SSBP3: variants seen among roughly 807,000 people sequenced by gnomAD.
SSBP3 encodes the protein single stranded DNA binding protein 3.
A neutral mutation model predicts 69.6 loss-of-function variants in SSBP3; 5 were observed. The ratio of observed to expected loss-of-function variants is 0.07; its 90% CI spans 0.04 to 0.15. The LOEUF is 0.15. Ranked by LOEUF, SSBP3 falls within the 10% of genes least tolerant of loss-of-function variation. SSBP3 has a pLI of 1.00. For missense variants in SSBP3, 312 were observed against 534.0 expected, an observed-to-expected ratio of 0.58 and a Z score of 4.10; for synonymous variants, 196 against 193.4, an observed-to-expected ratio of 1.01 and a Z score of -0.11.
intron 4 of SSBP3, among the ~76,000 whole-genome samples, chr1:54,348,581 G>C (rs1350100367): frequency 1.3e-5 from 2 of 152,168 alleles, no homozygotes; most frequent in Non-Finnish European, 2.9e-5. Flanking sequence ...ATTTGTTTTG[G>C]ATTTCCAATA....
intron 4 of SSBP3, among the ~76,000 whole-genome samples, chr1:54,390,685 G>A (rs534427808): frequency 2.6e-5 from 4 of 152,224 alleles, no homozygotes; most frequent in Admixed American, 6.5e-5. Context: ...GAGATAACGT[G>A]GTGGCTGAAA....
rs138807150 is a variant in SSBP3, at chr1:54,319,066, C to T, written c.277-37539G>A. Among the ~76,000 whole-genome samples, 678 of 152,244 alleles carry T rather than the reference C, an allele frequency of 4.5e-3. 1 individual carries two copies. Among genetic ancestry groups the T allele is most frequent in the Middle Eastern group, 0.02 (6 of 294 alleles). On this transcript the variant is annotated intron_variant, in intron 4 of 17. Transcript: ENST00000610401. ...ACACCACACCAGCTGCAGCAGACCACGCTCAATGGAGTAGAAGGGCAAAGA... is the reference window on the plus strand; with the variant it reads ...ACACCACACCAGCTGCAGCAGACCATGCTCAATGGAGTAGAAGGGCAAAGA...
intron 4 of SSBP3, among the ~76,000 whole-genome samples, chr1:54,358,947 C>T (rs1646910728): frequency 6.6e-6 from 1 of 152,172 alleles, no homozygotes; most frequent in South Asian, 2.1e-4. Flanking sequence ...CCGCCAGCTC[C>T]TGACTCAAGA....
chr1:54,234,751 A>G (rs2100590933), intron 14 of SSBP3, among the ~76,000 whole-genome samples: 1 of 151,544 alleles, frequency 6.6e-6, no homozygotes, highest in East Asian at 1.9e-4. Context: ...AGCCTTTAGG[A>G]CATCCTTTTT....
chr1:54,394,231 G>A (rs1392172662), intron 4 of SSBP3, among the ~76,000 whole-genome samples: 2 of 152,172 alleles, frequency 1.3e-5, no homozygotes, highest in South Asian at 2.1e-4. Flanking sequence ...ACTTCACGCA[G>A]GGCACCTTTC....
intron 4 of SSBP3, among the ~76,000 whole-genome samples, chr1:54,311,501 C>A (rs372600762): frequency 1.2e-4 from 18 of 152,156 alleles, no homozygotes; most frequent in East Asian, 3.9e-4. Context: ...GGTAAAAGAG[C>A]TTGAAAAACT....
intron 4 of SSBP3, among the ~76,000 whole-genome samples, chr1:54,314,789 C>T (rs1646066407): frequency 6.6e-6 from 1 of 152,168 alleles, no homozygotes; most frequent in African/African-American, 2.4e-5. Flanking sequence ...GGCAGTGTCC[C>T]AGCAAAGGAG....
chr1:54,368,024 G>A (rs902515574), intron 4 of SSBP3, among the ~76,000 whole-genome samples: 6 of 152,048 alleles, frequency 3.9e-5, no homozygotes, highest in African/African-American at 1.4e-4. Context: ...AACCTAGGCC[G>A]GGCACAGTGG....
At chr1:54,250,912 G>A (rs747193032) in intron 9 of SSBP3, among the ~76,000 whole-genome samples, 12 of 152,160 alleles carry the variant, frequency 7.9e-5, no homozygotes, top group Non-Finnish European at 1.6e-4. Context: ...AGCTGGCCAC[G>A]AGGGGCAACG....
At chr1:54,342,252 T>C (rs745392334) in intron 4 of SSBP3, among the ~76,000 whole-genome samples, 30 of 152,272 alleles carry the variant, frequency 2.0e-4, no homozygotes, top group Admixed American at 3.9e-4. Flanking sequence ...CCAAAGGGTT[T>C]GCTCCACTCC....
At chr1:54,358,166 G>A (rs192255106) in intron 4 of SSBP3, among the ~76,000 whole-genome samples, 1 of 152,156 alleles carries the variant, frequency 6.6e-6, no homozygotes, top group Non-Finnish European at 1.5e-5. Flanking sequence ...TCTTCATTGG[G>A]CACTTAACTA....
At chr1:54,264,809 T>C (rs1645073715) in intron 5 of SSBP3, among the ~76,000 whole-genome samples, 1 of 152,132 alleles carries the variant, frequency 6.6e-6, no homozygotes, top group Non-Finnish European at 1.5e-5. Flanking sequence ...AGGTTTTAGG[T>C]TGTTAAGAGA....
chr1:54,402,575 TC>T (rs1162384268), intron 3 of SSBP3, among the ~76,000 whole-genome samples: 2 of 136,986 alleles, frequency 1.5e-5, no homozygotes, highest in African/African-American at 2.7e-5. Flanking sequence ...GAACCACTCC[TC>T]CCTCCATGCA....
At chr1:54,290,491 T>C (rs1437177419) in intron 4 of SSBP3, among the ~76,000 whole-genome samples, 1 of 152,232 alleles carries the variant, frequency 6.6e-6, no homozygotes, top group Non-Finnish European at 1.5e-5. Flanking sequence ...AGACTTGGTC[T>C]TCTGAGAAGG....
intron 9 of SSBP3, among the ~76,000 whole-genome samples, chr1:54,244,257 C>T (rs1001719415): frequency 2.6e-5 from 4 of 152,160 alleles, no homozygotes; most frequent in Non-Finnish European, 2.9e-5. Flanking sequence ...GCGCCCACGA[C>T]CATGTCGGGC....
At chr1:54,316,252 A>C (rs945374762) in intron 4 of SSBP3, among the ~76,000 whole-genome samples, 4 of 152,014 alleles carry the variant, frequency 2.6e-5, no homozygotes, top group African/African-American at 9.7e-5. Flanking sequence ...CTGAGGGAGG[A>C]GGATGGTATG....
At position 54,288,054 on chromosome 1, in the gene SSBP3, C is replaced by G. The variant is rs143575707; in HGVS notation, c.277-6527G>C. Reference sequence around the variant, plus strand: ...CACCAATGGACGGCCCTGGGTCCAACAGTAGATGCCCCAAGCTACAAAAAG... The same window carrying G: ...CACCAATGGACGGCCCTGGGTCCAAGAGTAGATGCCCCAAGCTACAAAAAG... On this transcript the variant is annotated intron_variant, in intron 4 of 17. Transcript: ENST00000610401. Among the ~76,000 whole-genome samples the G allele has an allele frequency of 2.0e-5, 3 of 152,320 alleles. No individual in the cohort carries two copies. In the East Asian group the frequency reaches 5.8e-4, roughly 29 times the overall value.
chr1:54,304,632 A>G (rs962567666), intron 4 of SSBP3, among the ~76,000 whole-genome samples: 1 of 152,122 alleles, frequency 6.6e-6, no homozygotes, highest in Non-Finnish European at 1.5e-5. Flanking sequence ...CAGGTGGTAA[A>G]AGGACAGCCA....
chr1:54,323,149 T>C (rs1646243599), intron 4 of SSBP3, among the ~76,000 whole-genome samples: 1 of 152,016 alleles, frequency 6.6e-6, no homozygotes, highest in Non-Finnish European at 1.5e-5. Flanking sequence ...ACAGAACCAA[T>C]GGACAGCCCT....
Sources: gnomAD v4.1 joint callset for allele counts (sites outside exome capture counted in the v4.1 genomes callset) on GRCh38, gnomAD v4.1.1 for gene constraint, MANE v1.5 for transcripts, NCBI Gene and HGNC (gene_info 2026-07-23, HGNC 2026-07-21) for gene names.